Variants in HTR2C observed in about 807,000 individuals in gnomAD.
HTR2C encodes 5-hydroxytryptamine (serotonin) receptor 2C, G protein-coupled.
HTR2C carries 5 observed loss-of-function variants against 21.0 expected under a neutral mutation model. The observed-to-expected ratio is 0.24, with a 90% CI of 0.12 to 0.50. The LOEUF (loss-of-function observed/expected upper bound fraction) is 0.50, where lower values mean the gene tolerates loss of function less well. Ranked by LOEUF, HTR2C falls within the 20% of genes least tolerant of loss-of-function variation. The probability of loss-of-function intolerance (pLI) is 0.98; values close to 1 mark genes in which losing one functional copy is unlikely to be tolerated. For missense variants in HTR2C, 271 were observed against 371.2 expected (o/e 0.73, Z 2.22); for synonymous variants, 150 against 145.3 (o/e 1.03, Z -0.23).
intron 2 of HTR2C, among the ~76,000 whole-genome samples, chrX:114,711,228 T>C (rs1556419151): frequency 8.9e-6 from 1 of 111,776 alleles, no homozygotes. Flanking sequence ...TCTTTCATGA[T>C]ACAATAACAA....
chrX:114,874,858 C>T (rs782188347), intron 5 of HTR2C, among the ~76,000 whole-genome samples: 35 of 111,239 alleles, frequency 3.1e-4, no homozygotes, highest in Non-Finnish European at 6.0e-4. Context: ...AGGTTTAGCA[C>T]TTTTTCATAT....
intron 1 of HTR2C, among the ~76,000 whole-genome samples, chrX:114,590,756 T>C: frequency 8.9e-6 from 1 of 112,037 alleles, no homozygotes; most frequent in East Asian, 2.8e-4. Context: ...TAGCTAAAGC[T>C]TAGCCCTACC....
chrX:114,726,089 C>T (rs1257336580), intron 2 of HTR2C, among the ~76,000 whole-genome samples: 1 of 112,284 alleles, frequency 8.9e-6, no homozygotes, highest in Non-Finnish European at 1.9e-5. Flanking sequence ...CAAGCCTGGG[C>T]AATGGCGGGC....
chrX:114,725,238 C>T (rs1261709854), intron 2 of HTR2C, among the ~76,000 whole-genome samples: 1 of 111,063 alleles, frequency 9.0e-6, no homozygotes, highest in Non-Finnish European at 1.9e-5. Context: ...TTTCTCTAAA[C>T]TTCCCTTCTC....
At chrX:114,769,360 AT>A (rs1377620253) in intron 4 of HTR2C, among the ~76,000 whole-genome samples, 1 of 111,138 alleles carries the variant, frequency 9.0e-6, no homozygotes, top group Non-Finnish European at 1.9e-5. Flanking sequence ...TCCTTTTTGG[AT>A]TTTTTTCACT....
At chrX:114,601,550 C>T (rs1235675072) in intron 1 of HTR2C, among the ~76,000 whole-genome samples, 2 of 108,540 alleles carry the variant, frequency 1.8e-5, no homozygotes, top group African/African-American at 6.7e-5. Flanking sequence ...AATGTTATCA[C>T]TTAAGGCAAG....
intron 4 of HTR2C, among the ~76,000 whole-genome samples, chrX:114,747,852 A>G (rs2069721185): frequency 3.6e-5 from 4 of 112,336 alleles, no homozygotes; most frequent in Non-Finnish European, 7.5e-5. Flanking sequence ...TGAACATAGA[A>G]GTGGATTTTT....
At chrX:114,811,273 A>C (rs2070528376) in intron 4 of HTR2C, among the ~76,000 whole-genome samples, 1 of 111,570 alleles carries the variant, frequency 9.0e-6, no homozygotes, top group Admixed American at 9.5e-5. Flanking sequence ...TTTGAAGTAA[A>C]GAAAGGGCCC....
At chrX:114,637,883 C>G (rs191028377) in intron 2 of HTR2C, among the ~76,000 whole-genome samples, 2 of 111,277 alleles carry the variant, frequency 1.8e-5, no homozygotes, top group Admixed American at 1.9e-4. Flanking sequence ...AAGCAAAATT[C>G]GCTAAGGGAG....
intron 4 of HTR2C, among the ~76,000 whole-genome samples, chrX:114,781,716 G>T (rs1437776022): frequency 9.3e-6 from 1 of 107,704 alleles, no homozygotes; most frequent in African/African-American, 3.4e-5. Context: ...GCCCAGGCTG[G>T]TCTTAAACTC....
intron 4 of HTR2C, among the ~76,000 whole-genome samples, chrX:114,753,222 G>A (rs1465287381): frequency 1.4e-4 from 15 of 110,186 alleles, no homozygotes; most frequent in African/African-American, 4.6e-4. Flanking sequence ...CTTAGAAAAA[G>A]ACTCATATCC....
At chrX:114,857,803 CTT>C (rs2070975002) in intron 5 of HTR2C, among the ~76,000 whole-genome samples, 1 of 110,783 alleles carries the variant, frequency 9.0e-6, no homozygotes, top group African/African-American at 3.3e-5. Flanking sequence ...CCTCCTCTGT[CTT>C]TGTATTTCCT....
At chrX:114,801,798 T>C (rs1444436255) in intron 4 of HTR2C, among the ~76,000 whole-genome samples, 4 of 110,905 alleles carry the variant, frequency 3.6e-5, no homozygotes, top group African/African-American at 1.3e-4. Flanking sequence ...CCTCAAGCAT[T>C]TATGCTTTCT....
In HTR2C at chrX:114,650,508, A is replaced by G. The variant is rs782164699; in HGVS notation, c.-80+36627A>G. Among the ~76,000 whole-genome samples the G allele has an allele frequency of 6.2e-4, 69 of 111,468 alleles. 1 individual carries two copies. Among genetic ancestry groups the G allele is most frequent in the African/African-American group, 1.9e-3 (59 of 30,739 alleles). ...GTTCTCTCTGGAACACTAGTTTTCC[A>G]TTTCTTCAAATGACTAGATCATCCT... On this transcript the variant is annotated intron_variant, in intron 2 of 5. Transcript: ENST00000276198.
At chrX:114,794,306 T>C (rs1184285908) in intron 4 of HTR2C, among the ~76,000 whole-genome samples, 1 of 111,267 alleles carries the variant, frequency 9.0e-6, no homozygotes, top group African/African-American at 3.3e-5. Flanking sequence ...AGCAGCAGAA[T>C]ACAATCTGGT....
At chrX:114,698,473 CAA>C (rs1932354904) in intron 2 of HTR2C, among the ~76,000 whole-genome samples, 101 of 9,859 alleles carry the variant, frequency 0.01, no homozygotes, top group Middle Eastern at 0.029. Flanking sequence ...CACACACACA[CAA>C]ACACGCACAC....
chrX:114,729,082 T>A (rs1264110156), intron 3 of HTR2C, among the ~76,000 whole-genome samples: 1 of 112,088 alleles, frequency 8.9e-6, no homozygotes, highest in Non-Finnish European at 1.9e-5. Context: ...AGGACAAGTT[T>A]TTTATCAGCT....
At chrX:114,586,003 T>C (rs1556389551) in intron 1 of HTR2C, among the ~76,000 whole-genome samples, 1 of 111,127 alleles carries the variant, frequency 9.0e-6, no homozygotes, top group African/African-American at 3.3e-5. Flanking sequence ...TACACGGTAA[T>C]GAAAAAAGAT....
intron 1 of HTR2C, among the ~76,000 whole-genome samples, chrX:114,587,462 C>A (rs1385442117): frequency 9.0e-6 from 1 of 111,486 alleles, no homozygotes; most frequent in Non-Finnish European, 1.9e-5. Flanking sequence ...TGCCTGGTAG[C>A]CATGAGCAAA....
Sources: gnomAD v4.1 joint callset for allele counts (sites outside exome capture counted in the v4.1 genomes callset) on GRCh38, gnomAD v4.1.1 for gene constraint, MANE v1.5 for transcripts, NCBI Gene and HGNC (gene_info 2026-07-23, HGNC 2026-07-21) for gene names.